The following LRRC1 variants were observed in gnomAD, a reference collection of about 807,000 sequenced individuals.
LRRC1 encodes leucine rich repeat containing 1.
In LRRC1, 28 loss-of-function variants were observed where a neutral mutation model predicts 69.9. The ratio of observed to expected loss-of-function variants is 0.40; its 90% confidence interval spans 0.30 to 0.55. The LOEUF is 0.55. Ranked by LOEUF, LRRC1 falls within the 20% of genes least tolerant of loss-of-function variation. The probability of loss-of-function intolerance (pLI) is 0.47; values close to 1 mark genes in which losing one functional copy is unlikely to be tolerated. For synonymous variants in LRRC1, 236 were observed against 240.2 expected (o/e 0.98, Z 0.16); for missense variants, 498 against 609.0 (o/e 0.82, Z 1.92).
At chr6:53,822,296 A>C (rs1418758024) in intron 1 of LRRC1, among the ~76,000 whole-genome samples, 1 of 152,224 alleles carries the variant, frequency 6.6e-6, no homozygotes, top group African/African-American at 2.4e-5. Flanking sequence ...GTGTTTAAAC[A>C]GATGGGCAAC....
At chr6:53,882,777 A>C in intron 3 of LRRC1, 110 bp from the exon 4 acceptor site, 2 of 626,670 alleles carry the variant, frequency 3.2e-6, no homozygotes, top group Non-Finnish European at 2.6e-6. Flanking sequence ...TGTCATTTTT[A>C]GGAGGTTATT....
intron 1 of LRRC1, among the ~76,000 whole-genome samples, chr6:53,841,191 G>A (rs1216253265): frequency 6.6e-6 from 1 of 152,188 alleles, no homozygotes; most frequent in East Asian, 1.9e-4. Flanking sequence ...GCTGTGGTAG[G>A]ACTTACCTCT....
chr6:53,868,223 C>CT (rs141016862), intron 2 of LRRC1, among the ~76,000 whole-genome samples: 6,356 of 137,828 alleles, frequency 0.046, 164 homozygotes, highest in Non-Finnish European at 0.049. Context: ...TAATGCTACT[C>CT]TTTTTTTTTT....
chr6:53,799,166 G>C (rs1197435446), intron 1 of LRRC1, among the ~76,000 whole-genome samples: 1 of 152,224 alleles, frequency 6.6e-6, no homozygotes, highest in Non-Finnish European at 1.5e-5. Context: ...TAAGAGTTCA[G>C]TTGATTTTTG....
chr6:53,900,502 T>G (rs2127436992), intron 8 of LRRC1, among the ~76,000 whole-genome samples: 1 of 152,334 alleles, frequency 6.6e-6, no homozygotes, highest in South Asian at 2.1e-4. Flanking sequence ...AATGATTTCA[T>G]GAGGGATTAC....
intron 2 of LRRC1, among the ~76,000 whole-genome samples, chr6:53,878,520 G>A (rs1767149705): frequency 6.6e-6 from 1 of 152,162 alleles, no homozygotes; most frequent in African/African-American, 2.4e-5. Flanking sequence ...CCTCGCATGG[G>A]CAGTTGACAA....
At chr6:53,920,307 A>T (rs1265358130) in intron 12 of LRRC1, among the ~76,000 whole-genome samples, 2 of 152,240 alleles carry the variant, frequency 1.3e-5, no homozygotes. Flanking sequence ...TAAGCATTTT[A>T]AAAGGGACTC....
At position 53,851,660 on chromosome 6, in the gene LRRC1, T is replaced by A. The variant is rs548474745; in HGVS notation, c.277+9433T>A. Among the ~76,000 whole-genome samples, 4 of 152,038 alleles carry A rather than the reference T, an allele frequency of 2.6e-5. No homozygotes were observed. The East Asian group carries it at 7.7e-4, about 29-fold the overall frequency. On this transcript the variant is annotated intron_variant, in intron 2 of 13. Coordinates refer to ENST00000370888, the MANE Select transcript of LRRC1 (RefSeq NM_018214.5). Reference sequence around the variant, plus strand: ...TTGGCATCCTGTGGTGCAGTGAAATTAACATATAAAAGTAACCATCACACC... The same window carrying A: ...TTGGCATCCTGTGGTGCAGTGAAATAAACATATAAAAGTAACCATCACACC...
At chr6:53,900,527 T>C (rs1333652903) in intron 8 of LRRC1, among the ~76,000 whole-genome samples, 1 of 152,156 alleles carries the variant, frequency 6.6e-6, no homozygotes, top group Admixed American at 6.6e-5. Context: ...AATAATAAAA[T>C]GTATTTAAGG....
chr6:53,902,071 AGACTTGC>A (rs1193069809), intron 8 of LRRC1, among the ~76,000 whole-genome samples: 1 of 152,184 alleles, frequency 6.6e-6, no homozygotes, highest in Non-Finnish European at 1.5e-5. Context: ...GGCTGCAGTA[AGACTTGC>A]TCTTCTTTCC....
chr6:53,849,078 T>TTG (rs1554182379), intron 2 of LRRC1, among the ~76,000 whole-genome samples: 10 of 150,998 alleles, frequency 6.6e-5, no homozygotes, highest in African/African-American at 2.4e-4. Context: ...TTTTTTTTTT[T>TTG]TTAGTTAGCA....
At chr6:53,826,593 G>C (rs148360333) in intron 1 of LRRC1, among the ~76,000 whole-genome samples, 208 of 152,316 alleles carry the variant, frequency 1.4e-3, no homozygotes, top group African/African-American at 4.8e-3. Context: ...TGTAGGACAA[G>C]TATTTGGGAT....
chr6:53,864,475 A>G (rs921473448), intron 2 of LRRC1, among the ~76,000 whole-genome samples: 2 of 152,130 alleles, frequency 1.3e-5, no homozygotes, highest in African/African-American at 2.4e-5. Flanking sequence ...CAGACCCTCA[A>G]CCGCTACTTT....
chr6:53,800,375 C>T (rs748600173), intron 1 of LRRC1, among the ~76,000 whole-genome samples: 8 of 149,030 alleles, frequency 5.4e-5, no homozygotes, highest in East Asian at 4.1e-4. Flanking sequence ...CTCAGCCTCT[C>T]GAGTAAGCTG....
intron 4 of LRRC1, among the ~76,000 whole-genome samples, chr6:53,892,011 T>TATATATACACAC (rs1428852703): frequency 7.4e-6 from 1 of 135,340 alleles, no homozygotes; most frequent in African/African-American, 2.9e-5. Context: ...TATATATATA[T>TATATATACACAC]ACACACACAC....
chr6:53,917,358 A>G (rs1287013191), intron 11 of LRRC1, among the ~76,000 whole-genome samples: 1 of 152,208 alleles, frequency 6.6e-6, no homozygotes, highest in Non-Finnish European at 1.5e-5. Flanking sequence ...CAGCAGCCAC[A>G]TTCAAGTTGG....
At chr6:53,844,901 A>C (rs1198431485) in intron 2 of LRRC1, among the ~76,000 whole-genome samples, 2 of 152,146 alleles carry the variant, frequency 1.3e-5, no homozygotes, top group Admixed American at 1.3e-4. Flanking sequence ...CCTGGAGGTT[A>C]TTAAAAGAAA....
intron 2 of LRRC1, among the ~76,000 whole-genome samples, chr6:53,850,734 C>A (rs750041601): frequency 1.5e-4 from 23 of 152,158 alleles, no homozygotes; most frequent in Non-Finnish European, 2.8e-4. Flanking sequence ...TATTGCTGTT[C>A]AGTTTACAGT....
intron 1 of LRRC1, among the ~76,000 whole-genome samples, chr6:53,840,145 A>G (rs1765725927): frequency 6.6e-6 from 1 of 152,064 alleles, no homozygotes; most frequent in Non-Finnish European, 1.5e-5. Context: ...TTACTTACAT[A>G]TTTTGATGGA....
Sources: gnomAD v4.1 joint callset for allele counts (sites outside exome capture counted in the v4.1 genomes callset) on GRCh38, gnomAD v4.1.1 for gene constraint, MANE v1.5 for transcripts, NCBI Gene and HGNC (gene_info 2026-07-23, HGNC 2026-07-21) for gene names.